CLCN7: variants seen among roughly 807,000 people sequenced by gnomAD.
CLCN7 encodes H(+)/Cl(-) exchange transporter 7.
CLCN7 carries 60 observed loss-of-function variants against 102.1 expected under a neutral mutation model. That is an observed-to-expected ratio of 0.59 (90% confidence interval 0.48 to 0.73). The LOEUF (loss-of-function observed/expected upper bound fraction) is 0.73. Among genes scored for constraint, CLCN7 ranks in the 30% least tolerant of loss-of-function variants. CLCN7 has a pLI of 0.00. For missense variants in CLCN7, 962 were observed against 1,125.7 expected, an observed-to-expected ratio of 0.85 and a Z score of 2.08; for synonymous variants, 560 against 490.5, an observed-to-expected ratio of 1.14 and a Z score of -1.87.
chr16:1,460,164 G>A (rs2038910181), intron 6 of CLCN7, among the ~76,000 whole-genome samples: 2 of 151,952 alleles, frequency 1.3e-5, no homozygotes, highest in African/African-American at 4.8e-5. Context: ...ATGGAAGGAG[G>A]GGCGGAGTGG....
rs1417608149 is a variant in CLCN7 at position 1,448,395 on chromosome 16, T to C, written c.1973A>G (p.His658Arg). The change falls in exon 21 of 25, where the codon CAC becomes CGC. Residue 658 changes from histidine (H) to arginine (R), a missense_variant. Coordinates refer to ENST00000382745, the MANE Select transcript of CLCN7 (RefSeq NM_001287.6). The part of the protein sequence containing the change: ...VDVLSDTASN[H>R]NGFPVVEHAD... ...ATGCTCCACCACGGGGAAGCCGTTG[T>C]GATTGGACGCCGTGTCGCTCAGCAC... 1 of 1,612,744 alleles carries C rather than the reference T, an allele frequency of 6.2e-7. No individual in the cohort carries two copies. The highest frequency in any genetic ancestry group is 2.2e-5 in the East Asian group (1 of 44,880).
intron 18 of CLCN7, 60 bp from the exon 19 acceptor site, chr16:1,449,153 A>T: frequency 6.2e-7 from 1 of 1,606,078 alleles, no homozygotes; most frequent in Non-Finnish European, 8.5e-7. Flanking sequence ...TCACGTGGCC[A>T]CTGCCTTCTC....
Position 1,463,440 on chromosome 16 carries a change from C to T in CLCN7, c.214-1766G>A, listed in dbSNP as rs114568186. On this transcript the variant is annotated intron_variant, in intron 2 of 24. Coordinates refer to ENST00000382745, the MANE Select transcript of CLCN7 (RefSeq NM_001287.6). Reference sequence around the variant, plus strand: ...CTTGAGCCTGAGAGATGGAGTTCAGCCTGGGCCACACAGTGAGACCTCATC... The same window carrying T: ...CTTGAGCCTGAGAGATGGAGTTCAGTCTGGGCCACACAGTGAGACCTCATC... Among the ~76,000 whole-genome samples the T allele has an allele frequency of 9.1e-3, 1,389 of 152,198 alleles. 23 individuals carry two copies. The highest frequency in any genetic ancestry group is 0.031 in the African/African-American group (1,272 of 41,544).
chr16:1,461,039 G>A (rs902850932), intron 4 of CLCN7, 91 bp from the exon 5 acceptor site: 40 of 1,516,652 alleles, frequency 2.6e-5, no homozygotes, highest in Middle Eastern at 1.9e-4. Context: ...TGCAGGCCCC[G>A]GGATTATGAA....
intron 2 of CLCN7, among the ~76,000 whole-genome samples, chr16:1,462,683 A>AAAAAAAAAAAAAAAAAAAAAAAAAAAAC (rs1471363912): frequency 1.3e-5 from 2 of 150,960 alleles, no homozygotes; most frequent in African/African-American, 4.9e-5. Flanking sequence ...AAAAAAAAAA[A>AAAAAAAAAAAAAAAAAAAAAAAAAAAAC]AAAACCAGGC....
intron 2 of CLCN7, among the ~76,000 whole-genome samples, chr16:1,464,755 A>G (rs998330733): frequency 6.6e-6 from 1 of 152,208 alleles, no homozygotes; most frequent in African/African-American, 2.4e-5. Flanking sequence ...CGATGAGTGA[A>G]CGGCCAGCGG....
chr16:1,460,712 G>C, intron 5 of CLCN7, 104 bp downstream of exon 5: 1 of 1,557,664 alleles, frequency 6.4e-7, no homozygotes, highest in Non-Finnish European at 8.8e-7. Context: ...TGGCCGGGCC[G>C]CCTCCACCTG....
intron 15 of CLCN7, 197 bp from the exon 16 acceptor site, chr16:1,451,913 C>A: frequency 1.7e-6 from 1 of 604,912 alleles, no homozygotes; most frequent in Admixed American, 2.2e-5. Flanking sequence ...GCCATGGTCA[C>A]GGAGGGAAAG....
chr16:1,461,005 A>T (rs577504025), intron 4 of CLCN7, 57 bp from the exon 5 acceptor site: 1 of 1,599,998 alleles, frequency 6.3e-7, no homozygotes, highest in African/African-American at 1.3e-5. Flanking sequence ...TCACTCTGGC[A>T]GCAGCAGGAC....
chr16:1,458,040 C>T (rs765032881), intron 7 of CLCN7, among the ~76,000 whole-genome samples: 8 of 139,184 alleles, frequency 5.7e-5, no homozygotes, highest in Non-Finnish European at 9.3e-5. Context: ...AAAGCTGGGC[C>T]GCCCACCGCA....
At position 1,456,203 on chromosome 16, in the gene CLCN7, A is replaced by T; in HGVS notation, c.826T>A (p.Phe276Ile). Residue 276 changes from phenylalanine to isoleucine, a missense_variant, in exon 10 of 25, where the codon TTC becomes ATC. Transcript: ENST00000382745. ...TCTGTGTCTCTGCGGAAGTACTCGAAGATCTGCAACAGGGACAGACCAGGG... is the reference window on the plus strand; with the variant it reads ...TCTGTGTCTCTGCGGAAGTACTCGATGATCTGCAACAGGGACAGACCAGGG... ...STSLKRDFKI[F>I]EYFRRDTEKR... is the part of the protein sequence containing the mutation. The T allele has an allele frequency of 6.4e-7, 1 of 1,563,886 alleles. No individual in the cohort carries two copies. The highest frequency in any genetic ancestry group is 8.7e-7 in the Non-Finnish European group (1 of 1,153,354).
rs745752772 is a variant in CLCN7 at position 1,459,081 on chromosome 16, C to G, written c.675+26G>C. ...CAGCAAAGAGCGGGCGCCCACCCTG[C>G]CCAGCCAGGGCCACCGCACCCTCAC... On this transcript the variant is annotated intron_variant, in intron 7 of 24. Coordinates refer to ENST00000382745, the MANE Select transcript of CLCN7 (RefSeq NM_001287.6). 44 of 1,593,542 alleles carry G rather than the reference C, an allele frequency of 2.8e-5. No homozygotes were observed. The South Asian group carries it at 4.8e-4, about 17-fold the overall frequency.
Position 1,474,966 on chromosome 16 carries a change from G to A in CLCN7, c.9C>T (p.Asn3=), listed in dbSNP as rs1313029455. The A allele has an allele frequency of 1.3e-5, 19 of 1,485,776 alleles. No individual in the cohort carries two copies. The highest frequency in any genetic ancestry group is 1.7e-5 in the Non-Finnish European group (19 of 1,121,816). The allele number at this position is 1,485,776 out of a possible 1,614,324, so 92.0% of individuals were successfully genotyped here. MA[N]VSKKVSWSGR... ...CGGACCAGGACACCTTCTTAGAGAC[G>A]TTGGCCATGGCCCGCCGCGGAGCGA... The change falls in exon 1 of 25, where the codon AAC becomes AAT. Residue 3 remains asparagine, a synonymous_variant. Transcript: ENST00000382745.
intron 12 of CLCN7, 89 bp downstream of exon 12, chr16:1,455,045 A>G (rs986217052): frequency 2.4e-6 from 2 of 842,630 alleles, no homozygotes; most frequent in Non-Finnish European, 2.1e-6. Flanking sequence ...AGAGTTTTCT[A>G]AAGGACCAAA....
At chr16:1,469,423 C>T (rs974317947) in intron 1 of CLCN7, among the ~76,000 whole-genome samples, 3 of 152,086 alleles carry the variant, frequency 2.0e-5, no homozygotes, top group Non-Finnish European at 2.9e-5. Context: ...AGGTGGCTCA[C>T]GTCTGTCATC....
intron 2 of CLCN7, among the ~76,000 whole-genome samples, chr16:1,462,420 G>A (rs2038951218): frequency 7.7e-6 from 1 of 129,416 alleles, no homozygotes; most frequent in Admixed American, 9.3e-5. Flanking sequence ...TTTTTGCCCA[G>A]GCTAGAGTGC....
chr16:1,459,128 G>A lies in CLCN7; in HGVS notation c.654C>T (p.Ile218=), dbSNP rs763146639. 24 of 1,612,416 alleles carry A rather than the reference G, an allele frequency of 1.5e-5. No individual in the cohort carries two copies. In the Admixed American group the frequency reaches 2.8e-4, roughly 19 times the overall value. The change falls in exon 7 of 25, where the codon ATC becomes ATT. Residue 218 remains isoleucine (I), a synonymous_variant. Transcript: ENST00000382745. ...QIKCFLNGVK[I]PHVVRLKTLV... Reference sequence around the variant, plus strand: ...TCACCTTGAGCCGCACCACGTGGGGGATCTTCACCCCGTTGAGGAAGCACT... The same window carrying A: ...TCACCTTGAGCCGCACCACGTGGGGAATCTTCACCCCGTTGAGGAAGCACT...
chr16:1,449,624 G>A (rs1466221272), intron 17 of CLCN7: 6 of 487,476 alleles, frequency 1.2e-5, no homozygotes, highest in African/African-American at 7.1e-5. Context: ...CGTCCAGCAT[G>A]AGGAGTGAAA....
rs2038847859 is a variant in CLCN7 at position 1,457,200 on chromosome 16, C to T, written c.822+54G>A. On this transcript the variant is annotated intron_variant, in intron 9 of 24. Transcript: ENST00000382745. The surrounding 1 kb of genome is among the most constrained non-coding windows in gnomAD (Gnocchi z 5.4). ...GGGAAGCCCATCTCCCTGAGTGGTG[C>T]CCGTGCCCGTGCCCATGGCATCTGG... The T allele has an allele frequency of 4.1e-6, 6 of 1,476,510 alleles. No individual in the cohort carries two copies. The highest frequency in any genetic ancestry group is 1.7e-4 in the Middle Eastern group (1 of 5,832). The allele number at this position is 1,476,510 out of a possible 1,614,324, so 91.5% of individuals were successfully genotyped here. A position where few individuals can be genotyped will look rare whatever the true frequency, so the allele number is the denominator to read the frequency against.
Sources: allele counts gnomAD v4.1 joint callset (sites outside exome capture counted in the v4.1 genomes callset), GRCh38; gene constraint gnomAD v4.1.1; non-coding constraint Gnocchi (gnomAD v3.1); transcripts MANE v1.5; gene names NCBI Gene and HGNC (gene_info 2026-07-23, HGNC 2026-07-21).